Variants in KCMF1 observed in about 807,000 individuals in gnomAD.
The protein encoded by KCMF1 is E3 ubiquitin-protein ligase KCMF1.
In KCMF1, 3 loss-of-function variants were observed where a neutral mutation model predicts 41.1. The observed-to-expected ratio is 0.07, with a 90% CI of 0.03 to 0.19. The LOEUF (loss-of-function observed/expected upper bound fraction) is 0.19. Among genes scored for constraint, KCMF1 ranks in the 10% least tolerant of loss-of-function variants. The pLI is 1.00. For synonymous variants in KCMF1, 142 were observed against 164.5 expected (o/e 0.86, Z 1.04); for missense variants, 286 against 488.9 (o/e 0.58, Z 3.91).
At chr2:84,995,568 G>A (rs1006231620) in intron 1 of KCMF1, among the ~76,000 whole-genome samples, 2 of 151,870 alleles carry the variant, frequency 1.3e-5, no homozygotes, top group Non-Finnish European at 2.9e-5. Flanking sequence ...TGAGCTACTT[G>A]GATCTATCTA....
chr2:84,981,043 C>T (rs1279044714), intron 1 of KCMF1, among the ~76,000 whole-genome samples: 1 of 149,336 alleles, frequency 6.7e-6, no homozygotes, highest in Non-Finnish European at 1.5e-5. Flanking sequence ...ATCCCTGTAA[C>T]TTAATCACTG....
chr2:85,053,432 T>C lies in KCMF1; in HGVS notation c.*23T>C. ...TGATGACATCCCAATTCGCAGACAATGTCCTCTGTGCTGTATTTGCCAATG... is the reference window on the plus strand; with the variant it reads ...TGATGACATCCCAATTCGCAGACAACGTCCTCTGTGCTGTATTTGCCAATG... On this transcript the variant is annotated 3_prime_UTR_variant, in exon 7 of 7. Coordinates refer to ENST00000409785, the MANE Select transcript of KCMF1 (RefSeq NM_020122.5). 1.2e-6 allele frequency: 2 copies of C among 1,602,676 alleles called. No individual in the cohort carries two copies. Among genetic ancestry groups the C allele is most frequent in the East Asian group, 2.2e-5 (1 of 44,728 alleles).
At chr2:85,016,533 AC>A (rs767918284) in intron 1 of KCMF1, among the ~76,000 whole-genome samples, 1 of 151,554 alleles carries the variant, frequency 6.6e-6, no homozygotes, top group Non-Finnish European at 1.5e-5. Flanking sequence ...ACAGCTCTCC[AC>A]TCCTGATCTA....
chr2:85,026,429 A>G (rs1019379328), intron 1 of KCMF1, among the ~76,000 whole-genome samples: 4 of 148,198 alleles, frequency 2.7e-5, no homozygotes, highest in Non-Finnish European at 5.9e-5. Flanking sequence ...GAGCTATGGC[A>G]CCCAGCCCTG....
intron 1 of KCMF1, among the ~76,000 whole-genome samples, chr2:85,012,234 A>T (rs1674670323): frequency 6.6e-6 from 1 of 152,158 alleles, no homozygotes; most frequent in South Asian, 2.1e-4. Flanking sequence ...TAAAGTTGGT[A>T]TTTGTTTACA....
At chr2:85,046,630 A>G (rs1401575050) in intron 5 of KCMF1, among the ~76,000 whole-genome samples, 1 of 128,254 alleles carries the variant, frequency 7.8e-6, no homozygotes, top group Non-Finnish European at 1.6e-5. Flanking sequence ...ACCCTGTCTC[A>G]AAAAAAAAAA....
intron 1 of KCMF1, among the ~76,000 whole-genome samples, chr2:84,996,655 C>CAA (rs1674183502): frequency 6.6e-6 from 1 of 152,028 alleles, no homozygotes; most frequent in Non-Finnish European, 1.5e-5. Flanking sequence ...AGACTCGTCT[C>CAA]AAACTCCTGA....
At chr2:85,048,212 A>G (rs1449679034) in intron 5 of KCMF1, among the ~76,000 whole-genome samples, 1 of 152,212 alleles carries the variant, frequency 6.6e-6, no homozygotes, top group Non-Finnish European at 1.5e-5. Context: ...TGCTTTGGAC[A>G]TTTGTGTGTG....
chr2:84,976,947 G>A (rs1263124492), intron 1 of KCMF1, among the ~76,000 whole-genome samples: 2 of 151,764 alleles, frequency 1.3e-5, no homozygotes, highest in Admixed American at 6.6e-5. Flanking sequence ...TTGTAGAATG[G>A]CAGCTCCAAC....
At chr2:85,032,322 C>T (rs559486285) in intron 2 of KCMF1, among the ~76,000 whole-genome samples, 20 of 152,068 alleles carry the variant, frequency 1.3e-4, no homozygotes, top group Non-Finnish European at 2.2e-4. Context: ...CAGGCATGCA[C>T]CACGATGTCT....
intron 1 of KCMF1, among the ~76,000 whole-genome samples, chr2:85,014,903 C>G (rs999485083): frequency 6.6e-6 from 1 of 151,790 alleles, no homozygotes; most frequent in Non-Finnish European, 1.5e-5. Context: ...TTAAAACTTG[C>G]AACCTGGGTC....
chr2:85,013,776 C>T (rs1032671987), intron 1 of KCMF1, among the ~76,000 whole-genome samples: 3 of 145,028 alleles, frequency 2.1e-5, no homozygotes, highest in African/African-American at 7.8e-5. Context: ...CCAGCCTGGG[C>T]GACAGAGCGA....
rs562048467 is a variant in KCMF1, at chr2:84,999,636, T to C, written c.16+28169T>C. Among the ~76,000 whole-genome samples, 7 of 152,320 alleles carry C rather than the reference T, an allele frequency of 4.6e-5. No homozygotes were observed. The East Asian group carries it at 1.3e-3, about 29-fold the overall frequency. Reference sequence around the variant, plus strand: ...CAGAAGAACTTTCATTTTCCTATACTATTTATAGATATGGGTAGATACCAG... The same window carrying C: ...CAGAAGAACTTTCATTTTCCTATACCATTTATAGATATGGGTAGATACCAG... On this transcript the variant is annotated intron_variant, in intron 1 of 6. Coordinates refer to ENST00000409785, the MANE Select transcript of KCMF1 (RefSeq NM_020122.5).
At chr2:85,019,430 TTAGG>T (rs1210458025) in intron 1 of KCMF1, among the ~76,000 whole-genome samples, 1 of 152,148 alleles carries the variant, frequency 6.6e-6, no homozygotes, top group Non-Finnish European at 1.5e-5. Flanking sequence ...ATTTAGAGAC[TTAGG>T]TAGTATGGAA....
intron 2 of KCMF1, among the ~76,000 whole-genome samples, chr2:85,034,362 A>G (rs987380602): frequency 1.3e-5 from 2 of 152,186 alleles, no homozygotes; most frequent in African/African-American, 2.4e-5. Context: ...TCCCTGTTAC[A>G]TGGTAGACCC....
At chr2:85,033,651 C>T (rs1445290794) in intron 2 of KCMF1, among the ~76,000 whole-genome samples, 1 of 152,148 alleles carries the variant, frequency 6.6e-6, no homozygotes, top group African/African-American at 2.4e-5. Flanking sequence ...GAATTCACTC[C>T]TGAGAAAGGT....
chr2:84,981,687 C>G (rs142310471), intron 1 of KCMF1, among the ~76,000 whole-genome samples: 3 of 152,044 alleles, frequency 2.0e-5, no homozygotes, highest in Admixed American at 6.6e-5. Context: ...TTTATTGTTC[C>G]TTTGAGACTC....
intron 1 of KCMF1, among the ~76,000 whole-genome samples, chr2:85,009,135 A>T (rs1674592876): frequency 6.6e-6 from 1 of 152,148 alleles, no homozygotes; most frequent in Non-Finnish European, 1.5e-5. Flanking sequence ...TGATTGAATC[A>T]TGGGGGCAGA....
At chr2:85,044,455 A>G (rs1574041837) in intron 4 of KCMF1, among the ~76,000 whole-genome samples, 1 of 151,998 alleles carries the variant, frequency 6.6e-6, no homozygotes, top group African/African-American at 2.4e-5. Flanking sequence ...AGCTTATTGC[A>G]ACCTCCACCT....
Sources: allele counts gnomAD v4.1 joint callset (sites outside exome capture counted in the v4.1 genomes callset), GRCh38; gene constraint gnomAD v4.1.1; transcripts MANE v1.5; gene names NCBI Gene and HGNC (gene_info 2026-07-23, HGNC 2026-07-21).